Variants in NDUFAF2 observed in about 807,000 individuals in gnomAD.
NDUFAF2 encodes the protein NADH:ubiquinone oxidoreductase complex assembly factor 2, also known as NADH dehydrogenase [ubiquinone] 1 alpha subcomplex assembly factor 2.
A neutral mutation model predicts 22.8 loss-of-function variants in NDUFAF2; 13 were observed. The ratio of observed to expected loss-of-function variants is 0.57; its 90% CI spans 0.37 to 0.91. The LOEUF (loss-of-function observed/expected upper bound fraction) is 0.91. NDUFAF2 is among the 40% of genes least tolerant of loss of function. The pLI is 0.01. For missense variants in NDUFAF2, 162 were observed against 195.2 expected (o/e 0.83, Z 1.01); for synonymous variants, 53 against 64.2 (o/e 0.83, Z 0.84).
intron 1 of NDUFAF2, among the ~76,000 whole-genome samples, chr5:61,037,031 T>C (rs772943927): frequency 9.2e-5 from 14 of 152,162 alleles, no homozygotes; most frequent in Non-Finnish European, 1.9e-4. Context: ...GAGGCCCTGC[T>C]AATTGCAAAG....
At chr5:61,113,078 G>T (rs563370343) in intron 3 of NDUFAF2, among the ~76,000 whole-genome samples, 14 of 151,834 alleles carry the variant, frequency 9.2e-5, no homozygotes, top group Non-Finnish European at 1.5e-5. Context: ...AAGTTTTGTT[G>T]TTTCAATTTA....
intron 1 of NDUFAF2, among the ~76,000 whole-genome samples, chr5:60,965,113 A>C (rs992297274): frequency 6.6e-6 from 1 of 152,284 alleles, no homozygotes; most frequent in East Asian, 1.9e-4. Context: ...CGATTTTTCA[A>C]CTAGGTCTAG....
chr5:60,998,966 T>C (rs1192096847), intron 1 of NDUFAF2, among the ~76,000 whole-genome samples: 1 of 152,190 alleles, frequency 6.6e-6, no homozygotes, highest in African/African-American at 2.4e-5. Flanking sequence ...ATGAAGCTAC[T>C]TCCTATGGTA....
At chr5:61,135,565 G>A (rs1740913338) in intron 3 of NDUFAF2, among the ~76,000 whole-genome samples, 1 of 152,114 alleles carries the variant, frequency 6.6e-6, no homozygotes, top group Admixed American at 6.6e-5. Flanking sequence ...GAATCACCTA[G>A]TAACTTGTTA....
At chr5:60,985,244 C>G (rs1398845560) in intron 1 of NDUFAF2, among the ~76,000 whole-genome samples, 1 of 151,896 alleles carries the variant, frequency 6.6e-6, no homozygotes, top group East Asian at 1.9e-4. Context: ...GGTGATATCC[C>G]CTTTATCATT....
chr5:61,015,709 A>T (rs186023565), intron 1 of NDUFAF2, among the ~76,000 whole-genome samples: 121 of 152,366 alleles, frequency 7.9e-4, no homozygotes, highest in African/African-American at 2.8e-3. Flanking sequence ...TGCATGTCAG[A>T]ATAGCAATCA....
At chr5:61,089,101 C>T (rs1296351477) in intron 2 of NDUFAF2, among the ~76,000 whole-genome samples, 1 of 152,060 alleles carries the variant, frequency 6.6e-6, no homozygotes, top group Non-Finnish European at 1.5e-5. Context: ...CTTCTAGTCT[C>T]TTTAAGTGAT....
chr5:60,985,209 T>C (rs144485563), intron 1 of NDUFAF2, among the ~76,000 whole-genome samples: 14,430 of 152,280 alleles, frequency 0.095, 765 homozygotes, highest in Non-Finnish European at 0.12. Context: ...TCTATGATGG[T>C]AGTTTGTATT....
At chr5:60,945,886 T>G (rs1300652418) in intron 1 of NDUFAF2, among the ~76,000 whole-genome samples, 1 of 152,208 alleles carries the variant, frequency 6.6e-6, no homozygotes, top group African/African-American at 2.4e-5. Flanking sequence ...TTCTTGGTGT[T>G]TACCCTTTTC....
chr5:61,036,605 C>T (rs576164996), intron 1 of NDUFAF2, among the ~76,000 whole-genome samples: 2 of 152,194 alleles, frequency 1.3e-5, no homozygotes, highest in Admixed American at 6.5e-5. Flanking sequence ...AAGGTGTGGG[C>T]TGGGCCTAGG....
intron 3 of NDUFAF2, among the ~76,000 whole-genome samples, chr5:61,121,524 A>G (rs1473598749): frequency 6.6e-6 from 1 of 152,124 alleles, no homozygotes; most frequent in Non-Finnish European, 1.5e-5. Context: ...ACTTGCACAT[A>G]TGTTTTGTTT....
At chr5:61,082,830 G>A (rs768393233) in intron 2 of NDUFAF2, among the ~76,000 whole-genome samples, 2 of 152,040 alleles carry the variant, frequency 1.3e-5, no homozygotes, top group African/African-American at 2.4e-5. Flanking sequence ...TGCAATAACC[G>A]TGCGAATGCA....
intron 3 of NDUFAF2, among the ~76,000 whole-genome samples, chr5:61,135,371 T>C (rs1740909838): frequency 6.6e-6 from 1 of 152,124 alleles, no homozygotes; most frequent in Non-Finnish European, 1.5e-5. Flanking sequence ...AAGAAGATTA[T>C]GTCAAAAGGA....
intron 1 of NDUFAF2, among the ~76,000 whole-genome samples, chr5:61,004,062 C>T (rs1309634553): frequency 6.6e-6 from 1 of 151,988 alleles, no homozygotes; most frequent in African/African-American, 2.4e-5. Context: ...TAATAACGAC[C>T]ACTGCTTACT....
At chr5:60,973,234 A>G (rs900421736) in intron 1 of NDUFAF2, among the ~76,000 whole-genome samples, 51 of 152,260 alleles carry the variant, frequency 3.3e-4, no homozygotes, top group African/African-American at 1.2e-3. Context: ...AGATTCCTCA[A>G]GAAGTGTTCC....
intron 1 of NDUFAF2, among the ~76,000 whole-genome samples, chr5:60,950,791 A>G (rs1013143986): frequency 3.3e-5 from 5 of 152,046 alleles, no homozygotes; most frequent in African/African-American, 9.7e-5. Context: ...TGCTCCCCCA[A>G]TGCAGTTTCT....
intron 3 of NDUFAF2, among the ~76,000 whole-genome samples, chr5:61,111,280 G>T (rs1034443267): frequency 3.3e-5 from 5 of 152,148 alleles, no homozygotes; most frequent in African/African-American, 1.2e-4. Context: ...AGAAGCATGT[G>T]CATTCTGCAG....
intron 1 of NDUFAF2, among the ~76,000 whole-genome samples, chr5:61,063,341 G>A (rs1476664149): frequency 6.0e-4 from 53 of 87,976 alleles, no homozygotes; most frequent in Middle Eastern, 6.2e-3. Context: ...CTTCAAAAAA[G>A]TTAAAAAAAA....
At chr5:60,979,819 A>G (rs1468979147) in intron 1 of NDUFAF2, among the ~76,000 whole-genome samples, 1 of 152,172 alleles carries the variant, frequency 6.6e-6, no homozygotes, top group Non-Finnish European at 1.5e-5. Context: ...TTGAGAGAAC[A>G]TAGATGGGGT....
Sources: gnomAD v4.1 joint callset for allele counts (sites outside exome capture counted in the v4.1 genomes callset) on GRCh38, gnomAD v4.1.1 for gene constraint, MANE v1.5 for transcripts, NCBI Gene and HGNC (gene_info 2026-07-23, HGNC 2026-07-21) for gene names.